Variants in ESRRB observed in about 807,000 individuals in gnomAD.
ESRRB encodes the protein steroid hormone receptor ERR2.
A neutral mutation model predicts 46.0 loss-of-function variants in ESRRB; 16 were observed. That is an observed-to-expected ratio of 0.35 (90% confidence interval 0.24 to 0.53). ESRRB has a LOEUF of 0.53. Ranked by LOEUF, ESRRB falls within the 20% of genes least tolerant of loss-of-function variation. The probability of loss-of-function intolerance (pLI) is 0.93; values close to 1 mark genes in which losing one functional copy is unlikely to be tolerated. For missense variants in ESRRB, 488 were observed against 607.4 expected (o/e 0.80, Z 2.07); for synonymous variants, 246 against 259.6 (o/e 0.95, Z 0.50).
intron 3 of ESRRB, among the ~76,000 whole-genome samples, chr14:76,480,280 T>C (rs923855789): frequency 2.0e-5 from 3 of 152,092 alleles, no homozygotes; most frequent in Non-Finnish European, 4.4e-5. Flanking sequence ...AAAAAGACAT[T>C]GCTGACAAAA....
At chr14:76,407,656 C>A in intron 1 of ESRRB, 1 of 899,092 alleles carries the variant, frequency 1.1e-6, no homozygotes, top group Non-Finnish European at 1.3e-6. Context: ...CAGTCCAAAA[C>A]CCTCGTGGCT....
intron 1 of ESRRB, among the ~76,000 whole-genome samples, chr14:76,404,977 G>A (rs375115532): frequency 7.9e-5 from 12 of 152,264 alleles, no homozygotes; most frequent in Middle Eastern, 3.4e-3. Flanking sequence ...TGGTTGCATC[G>A]TTTTCTAAAG....
At chr14:76,422,121 CA>C (rs1299412334) in intron 1 of ESRRB, among the ~76,000 whole-genome samples, 2 of 152,000 alleles carry the variant, frequency 1.3e-5, no homozygotes, top group African/African-American at 2.4e-5. Context: ...ATTAGAAAGC[CA>C]AGGAGCCTGG....
At position 76,491,546 on chromosome 14, in the gene ESRRB, A is replaced by G; in HGVS notation, c.950A>G (p.Asp317Gly). 6.3e-7 allele frequency: 1 copy of G among 1,593,756 alleles called. No homozygotes were observed. Among genetic ancestry groups the G allele is most frequent in the African/African-American group, 1.3e-5 (1 of 74,954 alleles). The change falls in exon 6 of 7, where the codon GAC becomes GGC. Residue 317 changes from aspartate to glycine, a missense_variant. Coordinates refer to ENST00000644823, the MANE Select transcript of ESRRB (RefSeq NM_001379180.1). ...LGIVYRSLPY[D>G]DKLVYAEDYI... ...ATCGTGTACCGCTCGCTGCCCTATG[A>G]CGACAAGCTGGTGTACGCTGAGGAC...
intron 5 of ESRRB, among the ~76,000 whole-genome samples, chr14:76,484,488 G>A: frequency 6.6e-6 from 1 of 152,142 alleles, no homozygotes; most frequent in Non-Finnish European, 1.5e-5. Context: ...GCCAAATTGG[G>A]TACAGGTACC....
At chr14:76,452,623 A>G (rs1888432454) in intron 2 of ESRRB, among the ~76,000 whole-genome samples, 1 of 51,172 alleles carries the variant, frequency 2.0e-5, no homozygotes, top group Non-Finnish European at 3.6e-5. Context: ...CTGTCTCCAA[A>G]AAAAAAAACA....
At chr14:76,404,886 G>A (rs1886109794) in intron 1 of ESRRB, among the ~76,000 whole-genome samples, 1 of 152,144 alleles carries the variant, frequency 6.6e-6, no homozygotes, top group Non-Finnish European at 1.5e-5. Flanking sequence ...TTATAGAGGA[G>A]GGCTCAGTAT....
chr14:76,498,691 T>A lies in ESRRB; in HGVS notation c.*233T>A. On this transcript the variant is annotated 3_prime_UTR_variant, in exon 7 of 7. Coordinates refer to ENST00000644823, the MANE Select transcript of ESRRB (RefSeq NM_001379180.1). ...GCTCGACTGTAACTGGCTTTTTCTT[T>A]GGTATGTCTTTCCTTCTCCATGGAC... 1.4e-6 allele frequency: 2 copies of A among 1,431,054 alleles called. No homozygotes were observed. Among genetic ancestry groups the A allele is most frequent in the African/African-American group, 1.4e-5 (1 of 71,366 alleles). The allele number at this position is 1,431,054 out of a possible 1,614,324, so 88.6% of individuals were successfully genotyped here.
intron 1 of ESRRB, among the ~76,000 whole-genome samples, chr14:76,380,919 C>T (rs2139799718): frequency 6.6e-6 from 1 of 152,350 alleles, no homozygotes; most frequent in South Asian, 2.1e-4. Context: ...TCCTGAACAT[C>T]CTGCCTGTTT....
chr14:76,464,610 A>C (rs1406607931), intron 3 of ESRRB, among the ~76,000 whole-genome samples: 1 of 152,218 alleles, frequency 6.6e-6, no homozygotes, highest in Non-Finnish European at 1.5e-5. Flanking sequence ...TAGACAGGCC[A>C]GCTGCTTCGT....
chr14:76,367,884 C>T (rs1285685975), upstream of ESRRB, among the ~76,000 whole-genome samples: 1 of 151,830 alleles, frequency 6.6e-6, no homozygotes, highest in East Asian at 1.9e-4. Context: ...CTCAGACACC[C>T]TGCAGAAGGC....
At chr14:76,400,326 G>A (rs1027918949) in intron 1 of ESRRB, among the ~76,000 whole-genome samples, 1 of 152,138 alleles carries the variant, frequency 6.6e-6, no homozygotes, top group African/African-American at 2.4e-5. Flanking sequence ...CATAATCTGG[G>A]GAGAAAGAGC....
chr14:76,481,741 A>C (rs1889813058), intron 3 of ESRRB, among the ~76,000 whole-genome samples: 1 of 152,176 alleles, frequency 6.6e-6, no homozygotes, highest in South Asian at 2.1e-4. Context: ...CATAAGGAGA[A>C]CCAAGGGCTG....
At chr14:76,355,353 A>C (rs967691610) in intron 1 of ESRRB, among the ~76,000 whole-genome samples, 4 of 152,024 alleles carry the variant, frequency 2.6e-5, no homozygotes, top group African/African-American at 4.8e-5. Flanking sequence ...TTCACCACTC[A>C]TGTTTCCCTC....
At chr14:76,359,181 C>G (rs952250423) in intron 1 of ESRRB, among the ~76,000 whole-genome samples, 4 of 152,184 alleles carry the variant, frequency 2.6e-5, no homozygotes, top group African/African-American at 9.7e-5. Flanking sequence ...ACATCAGTTC[C>G]TATGATCATC....
intron 2 of ESRRB, among the ~76,000 whole-genome samples, chr14:76,445,278 T>C (rs1467027605): frequency 6.6e-6 from 1 of 150,952 alleles, no homozygotes; most frequent in Non-Finnish European, 1.5e-5. Flanking sequence ...AGGACCAGCC[T>C]GGCCAACAGG....
chr14:76,377,123 T>C (rs1352405125), intron 1 of ESRRB, among the ~76,000 whole-genome samples: 1 of 152,220 alleles, frequency 6.6e-6, no homozygotes, highest in Non-Finnish European at 1.5e-5. Context: ...AAGGGCACCA[T>C]TTCCCTGCTC....
chr14:76,387,038 G>A lies in ESRRB; in HGVS notation c.50+10587G>A, dbSNP rs151315628. ...TTGCCCCACCCTGGAGGCCAAAGCA[G>A]CAGCTCTCCCTACCTCCCCACACAA... On this transcript the variant is annotated intron_variant, in intron 1 of 6. Coordinates refer to ENST00000644823, the MANE Select transcript of ESRRB (RefSeq NM_001379180.1). Among the ~76,000 whole-genome samples the A allele has an allele frequency of 2.0e-4, 30 of 152,250 alleles. 1 individual carries two copies. The highest frequency in any genetic ancestry group is 3.4e-3 in the Middle Eastern group (1 of 294).
chr14:76,324,030 G>A (rs1488786052), intron 1 of ESRRB, among the ~76,000 whole-genome samples: 1 of 152,196 alleles, frequency 6.6e-6, no homozygotes, highest in Non-Finnish European at 1.5e-5. Flanking sequence ...AGGTAGGGGA[G>A]GAGACTAACT....
Sources: gnomAD v4.1 joint callset for allele counts (sites outside exome capture counted in the v4.1 genomes callset) on GRCh38, gnomAD v4.1.1 for gene constraint, MANE v1.5 for transcripts, NCBI Gene and HGNC (gene_info 2026-07-23, HGNC 2026-07-21) for gene names.